CHD1L: variants seen among roughly 807,000 people sequenced by gnomAD.
CHD1L encodes ATP-dependent chromatin remodeler CHD1L.
A neutral mutation model predicts 115.9 loss-of-function variants in CHD1L; 118 were observed. The observed-to-expected ratio is 1.02, with a 90% CI of 0.88 to 1.19. CHD1L has a LOEUF of 1.19. Among genes scored for constraint, CHD1L ranks in the 50% most tolerant of loss-of-function variants. CHD1L has a pLI of 0.00. For synonymous variants in CHD1L, 411 were observed against 387.1 expected, an observed-to-expected ratio of 1.06 and a Z score of -0.72; for missense variants, 1,179 against 1,065.3, an observed-to-expected ratio of 1.11 and a Z score of -1.49.
intron 19 of CHD1L, among the ~76,000 whole-genome samples, chr1:147,289,580 T>C (rs1553968660): frequency 6.6e-6 from 1 of 151,998 alleles, no homozygotes; most frequent in African/African-American, 2.4e-5. Flanking sequence ...TGAAGGAGGA[T>C]TGAAGCAGGT....
chr1:147,182,226 C>A, the CHD1L span, among the ~76,000 whole-genome samples: 1 of 152,136 alleles, frequency 6.6e-6, no homozygotes, highest in Admixed American at 6.5e-5. Context: ...CTAAGTTCTT[C>A]CAATAAGACT....
At chr1:147,215,554 C>A in the CHD1L span, 3 of 500,240 alleles carry the variant, frequency 6.0e-6, no homozygotes, top group South Asian at 3.3e-5. Flanking sequence ...TATCTGCAGC[C>A]AAAATATATG....
At chr1:147,253,371 G>A (rs1669020177) in intron 2 of CHD1L, among the ~76,000 whole-genome samples, 1 of 152,186 alleles carries the variant, frequency 6.6e-6, no homozygotes. Context: ...ATTAAAGAAT[G>A]GTTCCTGGCA....
chr1:147,288,340 A>AG (rs1553967753), intron 19 of CHD1L, among the ~76,000 whole-genome samples: 11 of 962 alleles, frequency 0.011, no homozygotes, highest in Admixed American at 0.043. Context: ...AAAAAAAAAA[A>AG]AAAAAAGAAA....
the CHD1L span, chr1:147,178,241 G>C: frequency 4.3e-6 from 7 of 1,613,560 alleles, no homozygotes; most frequent in Non-Finnish European, 5.1e-6. Flanking sequence ...TCCGACACGG[G>C]CTCTGCGGGC....
Position 147,293,616 on chromosome 1 carries a change from G to A in CHD1L, c.2400G>A (p.Leu800=), listed in dbSNP as rs1686426118. The A allele has an allele frequency of 6.2e-7, 1 of 1,613,966 alleles. No individual in the cohort carries two copies. Among genetic ancestry groups the A allele is most frequent in the African/African-American group, 1.3e-5 (1 of 75,044 alleles). ...SRNKGQDLLA[L]IVAQHRDRSN... ...ATGGTGGTTCTTTCCAGTTGGCCTT[G>A]ATTGTGGCTCAGCATCGTGATCGTT... is the stretch of plus-strand genomic sequence containing the variant. The change falls in exon 21 of 23, where the codon TTG becomes TTA. Residue 800 remains leucine (L), a synonymous_variant. Transcript: ENST00000369258.
At chr1:147,281,632 CTTA>C (rs1553961959) in intron 15 of CHD1L, among the ~76,000 whole-genome samples, 5 of 152,020 alleles carry the variant, frequency 3.3e-5, no homozygotes, top group Admixed American at 2.0e-4. Flanking sequence ...TTGTTCTCTG[CTTA>C]TTGTTTTAAT....
At chr1:147,226,600 G>A in the CHD1L span, among the ~76,000 whole-genome samples, 1 of 152,098 alleles carries the variant, frequency 6.6e-6, no homozygotes, top group African/African-American at 2.4e-5. Context: ...TCCAGACAAG[G>A]GTTCTATTTG....
upstream of CHD1L, among the ~76,000 whole-genome samples, chr1:147,237,983 T>C (rs1664638004): frequency 6.6e-6 from 1 of 152,190 alleles, no homozygotes. Flanking sequence ...GGAGTGGCAA[T>C]TCTCTGAGGT....
chr1:147,250,320 A>G (rs1434024222), intron 1 of CHD1L, among the ~76,000 whole-genome samples: 3 of 151,998 alleles, frequency 2.0e-5, no homozygotes, highest in Non-Finnish European at 4.4e-5. Flanking sequence ...GGAGCCAGGC[A>G]TTTTTTTTAA....
the CHD1L span, chr1:147,173,527 G>A: frequency 2.0e-5 from 3 of 152,258 alleles, no homozygotes; most frequent in African/African-American, 7.2e-5. Flanking sequence ...AAGGAAGATA[G>A]CAACAACGAA....
intron 19 of CHD1L, among the ~76,000 whole-genome samples, chr1:147,288,736 C>T (rs985721554): frequency 5.3e-5 from 8 of 152,062 alleles, no homozygotes; most frequent in African/African-American, 1.4e-4. Flanking sequence ...GACAAGAACT[C>T]GGGTTTGGTG....
chr1:147,263,897 G>A (rs1553945994), intron 6 of CHD1L, among the ~76,000 whole-genome samples: 2 of 152,074 alleles, frequency 1.3e-5, no homozygotes, highest in African/African-American at 4.8e-5. Context: ...GCTGTGTCCA[G>A]AAACATCCAG....
At chr1:147,204,690 A>C in the CHD1L span, 3 of 1,561,982 alleles carry the variant, frequency 1.9e-6, no homozygotes, top group Non-Finnish European at 1.8e-6. Flanking sequence ...TTTTTGCAGC[A>C]GGATGCTGTA....
intron 19 of CHD1L, among the ~76,000 whole-genome samples, chr1:147,290,140 T>C (rs1020306243): frequency 6.6e-6 from 1 of 152,288 alleles, no homozygotes; most frequent in East Asian, 1.9e-4. Context: ...TGGAGTGCAG[T>C]GGCCCGATCT....
chr1:147,254,436 C>T (rs1241135436), intron 2 of CHD1L, among the ~76,000 whole-genome samples: 3 of 152,272 alleles, frequency 2.0e-5, no homozygotes, highest in South Asian at 2.1e-4. Context: ...CATCCTCCCT[C>T]ACTCGGGAAA....
the CHD1L span, among the ~76,000 whole-genome samples, chr1:147,191,079 A>G: frequency 5.1e-3 from 780 of 152,174 alleles, 8 homozygotes; most frequent in African/African-American, 0.017. Context: ...AATCCAGTCT[A>G]TCGTTGTTGG....
intron 8 of CHD1L, among the ~76,000 whole-genome samples, chr1:147,266,559 T>G (rs1413925015): frequency 3.9e-5 from 6 of 152,246 alleles, no homozygotes; most frequent in African/African-American, 1.4e-4. Flanking sequence ...ACATGAATCC[T>G]CCTTTTGTTC....
chr1:147,291,888 GC>G (rs1685680335), intron 20 of CHD1L, among the ~76,000 whole-genome samples: 1 of 151,954 alleles, frequency 6.6e-6, no homozygotes, highest in South Asian at 2.1e-4. Flanking sequence ...AATGGATCAG[GC>G]CCCACCCTAA....
Sources: allele counts gnomAD v4.1 joint callset (sites outside exome capture counted in the v4.1 genomes callset), GRCh38; gene constraint gnomAD v4.1.1; transcripts MANE v1.5; gene names NCBI Gene and HGNC (gene_info 2026-07-23, HGNC 2026-07-21).